SLCO1B1: variants seen among roughly 807,000 people sequenced by gnomAD.
The protein encoded by SLCO1B1 is OATP-2.
Under a neutral mutation model 70.1 loss-of-function variants are expected in SLCO1B1, and 81 were observed. That is an observed-to-expected ratio of 1.16 (90% confidence interval 0.97 to 1.39). The LOEUF is 1.39. Among genes scored for constraint, SLCO1B1 ranks in the 40% most tolerant of loss-of-function variants. The probability of loss-of-function intolerance (pLI) is 0.00; values close to 1 mark genes in which losing one functional copy is unlikely to be tolerated. For synonymous variants in SLCO1B1, 283 were observed against 271.5 expected (o/e 1.04, Z -0.42); for missense variants, 895 against 799.6 (o/e 1.12, Z -1.44).
chr12:21,143,453 C>T (rs1214091869), intron 2 of SLCO1B1, among the ~76,000 whole-genome samples: 3 of 151,838 alleles, frequency 2.0e-5, no homozygotes, highest in Non-Finnish European at 2.9e-5. Context: ...TGAGAGAAAC[C>T]TTAATAATAG....
intron 1 of SLCO1B1, among the ~76,000 whole-genome samples, chr12:21,135,580 A>G (rs200134191): frequency 3.5e-4 from 53 of 152,280 alleles, no homozygotes; most frequent in East Asian, 2.9e-3. Context: ...TCCCTTTACC[A>G]TTAGGTAATG....
intron 2 of SLCO1B1, among the ~76,000 whole-genome samples, chr12:21,158,869 A>G (rs970092246): frequency 2.6e-5 from 4 of 152,324 alleles, no homozygotes; most frequent in Admixed American, 2.0e-4. Flanking sequence ...CCTTAAATAC[A>G]TAGAATTTTA....
chr12:21,209,706 CCT>C (rs1225059340), intron 11 of SLCO1B1, among the ~76,000 whole-genome samples: 1 of 151,236 alleles, frequency 6.6e-6, no homozygotes, highest in Non-Finnish European at 1.5e-5. Context: ...TTCTCCACAT[CCT>C]CTCCAGCACC....
intron 14 of SLCO1B1, among the ~76,000 whole-genome samples, chr12:21,235,255 A>G (rs1047844866): frequency 6.6e-6 from 1 of 151,652 alleles, no homozygotes; most frequent in African/African-American, 2.4e-5. Flanking sequence ...TATTTAGATT[A>G]GTTAAATCTT....
intron 2 of SLCO1B1, among the ~76,000 whole-genome samples, chr12:21,141,906 A>G (rs12303784): frequency 0.073 from 11,067 of 151,830 alleles, 492 homozygotes; most frequent in African/African-American, 0.12. Context: ...ATATTTTGAT[A>G]GCTTCTCTTT....
chr12:21,155,340 T>A (rs1940529209), intron 2 of SLCO1B1, among the ~76,000 whole-genome samples: 1 of 152,078 alleles, frequency 6.6e-6, no homozygotes, highest in Non-Finnish European at 1.5e-5. Flanking sequence ...TATATTATTT[T>A]ATACTATTTT....
chr12:21,187,934 G>C (rs531586698), intron 7 of SLCO1B1, among the ~76,000 whole-genome samples: 13 of 152,156 alleles, frequency 8.5e-5, no homozygotes, highest in African/African-American at 3.1e-4. Flanking sequence ...ACTAGTGTCA[G>C]ATGATGGGGA....
At position 21,239,065 on chromosome 12, in the gene SLCO1B1, A is replaced by T. The variant is rs1406936576; in HGVS notation, c.1952A>T (p.Tyr651Phe). Residue 651 changes from tyrosine to phenylalanine, a missense_variant, in exon 15 of 15, where the codon TAT (tyrosine) becomes TTT (phenylalanine). By Grantham distance (22) the Tyr-to-Phe change is conservative (BLOSUM62 3). Transcript: ENST00000256958. ...TTAATTTATGCCATGAAGAAAAAAT[A>T]TCAAGAGAAAGATATCAATGCATCA... is the stretch of plus-strand genomic sequence containing the variant. ...IILIYAMKKK[Y>F]QEKDINASEN... The T allele has an allele frequency of 6.3e-7, 1 of 1,595,864 alleles. No homozygotes were observed. The highest frequency in any genetic ancestry group is 2.2e-5 in the East Asian group (1 of 44,648).
chr12:21,207,172 A>G (rs1591820434), intron 11 of SLCO1B1, among the ~76,000 whole-genome samples: 1 of 152,086 alleles, frequency 6.6e-6, no homozygotes, highest in Non-Finnish European at 1.5e-5. Flanking sequence ...AGGGGATACA[A>G]ATGAATTTGT....
intron 14 of SLCO1B1, among the ~76,000 whole-genome samples, chr12:21,229,557 C>T (rs929220753): frequency 6.6e-6 from 1 of 152,206 alleles, no homozygotes; most frequent in Non-Finnish European, 1.5e-5. Context: ...CTTGATAGCT[C>T]ATTTCTTTTT....
rs188365242 is a variant in SLCO1B1, at chr12:21,170,594, C to G, written c.85-2056C>G. Among the ~76,000 whole-genome samples the G allele has an allele frequency of 1.2e-4, 19 of 152,240 alleles. No homozygotes were observed. The East Asian group carries it at 3.5e-3, about 28-fold the overall frequency. The stretch of plus-strand genomic sequence containing the variant: ...AGAATTGACTATCTTTGAAGAAAAT[C>G]TTCATAATTTTTGTCTAACTCTGTT... On this transcript the variant is annotated intron_variant, in intron 2 of 14. Coordinates refer to ENST00000256958, the MANE Select transcript of SLCO1B1 (RefSeq NM_006446.5).
chr12:21,150,263 C>T (rs1021098605), intron 2 of SLCO1B1, among the ~76,000 whole-genome samples: 1 of 149,806 alleles, frequency 6.7e-6, no homozygotes, highest in Non-Finnish European at 1.5e-5. Context: ...GCTGTGGGCG[C>T]AGCTTCAGCA....
chr12:21,198,274 G>A (rs992866735), intron 8 of SLCO1B1, among the ~76,000 whole-genome samples: 1 of 152,052 alleles, frequency 6.6e-6, no homozygotes, highest in African/African-American at 2.4e-5. Context: ...CATGGCAAGA[G>A]AATTACCATG....
At chr12:21,226,142 C>T (rs1412861180) in intron 14 of SLCO1B1, among the ~76,000 whole-genome samples, 2 of 152,152 alleles carry the variant, frequency 1.3e-5, no homozygotes, top group Non-Finnish European at 2.9e-5. Flanking sequence ...GGGCCTGGTG[C>T]AGTGGCCCAT....
At chr12:21,146,338 T>C (rs1940382436) in intron 2 of SLCO1B1, among the ~76,000 whole-genome samples, 5 of 152,214 alleles carry the variant, frequency 3.3e-5, no homozygotes, top group Admixed American at 3.3e-4. Flanking sequence ...CCTTCCCTCA[T>C]CTTCTTAGGT....
At chr12:21,164,998 C>T (rs907764311) in intron 2 of SLCO1B1, 2 of 355,736 alleles carry the variant, frequency 5.6e-6, no homozygotes, top group Non-Finnish European at 1.1e-5. Flanking sequence ...GTACCTGCCT[C>T]AACTACATAG....
chr12:21,169,157 T>G (rs181754151), intron 2 of SLCO1B1, among the ~76,000 whole-genome samples: 2 of 152,188 alleles, frequency 1.3e-5, no homozygotes, highest in African/African-American at 2.4e-5. Context: ...TTTTGCTGCT[T>G]CTTTTAAGAG....
At chr12:21,166,695 A>G (rs1460170034) in intron 2 of SLCO1B1, among the ~76,000 whole-genome samples, 1 of 152,222 alleles carries the variant, frequency 6.6e-6, no homozygotes. Flanking sequence ...TGAGAATGCA[A>G]AATAGTGCAG....
chr12:21,239,127 T>C lies in SLCO1B1; in HGVS notation c.2014T>C (p.Ser672Pro). ...TGTCATGGATGAAGCAAACTTAGAA[T>C]CCTTAAATAAAAATAAACATTTTGT... is the stretch of plus-strand genomic sequence containing the variant. ...GSVMDEANLE[S>P]LNKNKHFVPS... The change falls in exon 15 of 15, where the codon TCC becomes CCC. Residue 672 changes from serine to proline, a missense_variant. Physicochemically the swap from Ser to Pro is moderately conservative, Grantham distance 74 (BLOSUM62 -1). Transcript: ENST00000256958. 2 of 1,613,080 alleles carry C rather than the reference T, an allele frequency of 1.2e-6. No individual in the cohort carries two copies. The highest frequency in any genetic ancestry group is 1.7e-6 in the Non-Finnish European group (2 of 1,179,358).
Sources: gnomAD v4.1 joint callset for allele counts (sites outside exome capture counted in the v4.1 genomes callset) on GRCh38, gnomAD v4.1.1 for gene constraint, MANE v1.5 for transcripts, NCBI Gene and HGNC (gene_info 2026-07-23, HGNC 2026-07-21) for gene names.